Variants in MVB12B observed in about 807,000 individuals in gnomAD.
MVB12B encodes multivesicular body subunit 12B, also known as ESCRT-I complex subunit MVB12B.
MVB12B carries 16 observed loss-of-function variants against 41.6 expected under a neutral mutation model. The observed-to-expected ratio is 0.38, with a 90% CI of 0.26 to 0.58. MVB12B has a LOEUF of 0.58. MVB12B is among the 20% of genes least tolerant of loss of function. The probability of loss-of-function intolerance (pLI) is 0.62; values close to 1 mark genes in which losing one functional copy is unlikely to be tolerated. For missense variants in MVB12B, 274 were observed against 380.2 expected (o/e 0.72, Z 2.32); for synonymous variants, 133 against 139.7 (o/e 0.95, Z 0.34).
At chr9:126,419,878 G>A (rs1369624178) in intron 6 of MVB12B, among the ~76,000 whole-genome samples, 5 of 152,192 alleles carry the variant, frequency 3.3e-5, no homozygotes, top group Admixed American at 2.0e-4. Context: ...AAGTTCCCAG[G>A]TGACTGACGC....
intron 2 of MVB12B, among the ~76,000 whole-genome samples, chr9:126,347,016 C>T (rs767026533): frequency 3.3e-5 from 5 of 152,144 alleles, no homozygotes; most frequent in African/African-American, 9.7e-5. Flanking sequence ...CAGGGCATAG[C>T]GGGAGCTAGA....
rs1830625131 is a variant in MVB12B, at chr9:126,381,170, A to G, written c.311A>G (p.Asn104Ser). ...LCFTRSFSKENSHLGNVLVDM... is the reference protein window; with the variant it reads ...LCFTRSFSKESSHLGNVLVDM... ...TTCACAAGATCATTTTCCAAAGAAA[A>G]TGTAAGTCTAGTCGTAGTTTCCATT... Residue 104 changes from asparagine to serine, a missense_variant and splice_region_variant, in exon 3 of 10, where the codon AAT (asparagine) becomes AGT (serine). Asn to Ser is a conservative substitution (Grantham distance 46, BLOSUM62 1). Transcript: ENST00000361171. 1 of 1,605,226 alleles carries G rather than the reference A, an allele frequency of 6.2e-7. No individual in the cohort carries two copies. The highest frequency in any genetic ancestry group is 8.5e-7 in the Non-Finnish European group (1 of 1,172,208).
chr9:126,486,703 C>G lies in MVB12B; in HGVS notation c.873+2671C>G, dbSNP rs964379898. ...CATACGTGATCACTGGTTCCTACCC[C>G]AGGCCTCATTCCTCCCTGTGTCGTG... is the stretch of plus-strand genomic sequence containing the variant. On this transcript the variant is annotated intron_variant, in intron 9 of 9. Coordinates refer to ENST00000361171, the MANE Select transcript of MVB12B (RefSeq NM_033446.3). This position sits in a 1 kb window ranked among gnomAD's most constrained non-coding sequence, Gnocchi z 4.7. Among the ~76,000 whole-genome samples, 1 of 152,226 alleles carries G rather than the reference C, an allele frequency of 6.6e-6. No individual in the cohort carries two copies. The highest frequency in any genetic ancestry group is 1.9e-4 in the East Asian group (1 of 5,194).
chr9:126,415,494 G>T (rs1432254520), intron 6 of MVB12B, among the ~76,000 whole-genome samples: 1 of 152,074 alleles, frequency 6.6e-6, no homozygotes, highest in Admixed American at 6.5e-5. Flanking sequence ...CTAGTTTTTG[G>T]CTTTATAAGT....
At chr9:126,347,839 C>T (rs915287844) in intron 2 of MVB12B, among the ~76,000 whole-genome samples, 1 of 152,242 alleles carries the variant, frequency 6.6e-6, no homozygotes, top group African/African-American at 2.4e-5. Flanking sequence ...CGTCTGAGCA[C>T]AGCTGTCACA....
chr9:126,466,077 C>T (rs1311726830), intron 7 of MVB12B, among the ~76,000 whole-genome samples: 1 of 152,228 alleles, frequency 6.6e-6, no homozygotes, highest in African/African-American at 2.4e-5. Context: ...TAACAAACCA[C>T]CCTAAAACTT....
At chr9:126,501,862 G>A (rs1023069662) in intron 9 of MVB12B, among the ~76,000 whole-genome samples, 11 of 152,106 alleles carry the variant, frequency 7.2e-5, no homozygotes, top group East Asian at 1.9e-4. Flanking sequence ...CTGGAAAGCC[G>A]CCTGCTGGTG....
intron 5 of MVB12B, among the ~76,000 whole-genome samples, chr9:126,393,860 T>A (rs1831028416): frequency 6.6e-6 from 1 of 152,264 alleles, no homozygotes; most frequent in South Asian, 2.1e-4. Flanking sequence ...GCCAGCCTCC[T>A]GGCTCAGGCC....
chr9:126,489,336 C>G (rs1228018228), intron 9 of MVB12B, among the ~76,000 whole-genome samples: 1 of 152,218 alleles, frequency 6.6e-6, no homozygotes, highest in Non-Finnish European at 1.5e-5. Context: ...CCTGCTCATC[C>G]CAGCCCAGCG....
chr9:126,344,812 T>A (rs1307665497), intron 2 of MVB12B, among the ~76,000 whole-genome samples: 1 of 152,190 alleles, frequency 6.6e-6, no homozygotes, highest in Non-Finnish European at 1.5e-5. Context: ...CATCATCCCA[T>A]GGCGGAAGTC....
At chr9:126,435,711 G>A (rs1282100645) in intron 7 of MVB12B, among the ~76,000 whole-genome samples, 6 of 146,192 alleles carry the variant, frequency 4.1e-5, no homozygotes, top group Non-Finnish European at 6.0e-5. Flanking sequence ...ACCACCCACC[G>A]AGCACATCAT....
At chr9:126,475,941 G>A (rs548770884) in intron 7 of MVB12B, among the ~76,000 whole-genome samples, 9 of 148,694 alleles carry the variant, frequency 6.1e-5, no homozygotes, top group African/African-American at 2.2e-4. Flanking sequence ...ACTCTCAGAC[G>A]GTGGTGGTCT....
chr9:126,394,970 T>C lies in MVB12B; in HGVS notation c.540-605T>C, dbSNP rs568421151. 2.1e-4 allele frequency among the ~76,000 whole-genome samples: 32 copies of C among 152,186 alleles called. 1 individual carries two copies. The highest frequency in any genetic ancestry group is 7.2e-4 in the African/African-American group (30 of 41,510). ...TAGTAGGGGGCGGGGCTGTGGTGACTGCGAGGGAGGTCACAGGAGAGCTTA... is the reference window on the plus strand; with the variant it reads ...TAGTAGGGGGCGGGGCTGTGGTGACCGCGAGGGAGGTCACAGGAGAGCTTA... On this transcript the variant is annotated intron_variant, in intron 5 of 9. Coordinates refer to ENST00000361171, the MANE Select transcript of MVB12B (RefSeq NM_033446.3).
rs1336959532 is a variant in MVB12B at position 126,389,473 on chromosome 9, T to C, written c.410-2593T>C. On this transcript the variant is annotated intron_variant, in intron 4 of 9. Coordinates refer to ENST00000361171, the MANE Select transcript of MVB12B (RefSeq NM_033446.3). This position sits in a 1 kb window ranked among gnomAD's most constrained non-coding sequence, Gnocchi z 4.4. ...TGTACTTTCTCTGTGTTCATTAGCA[T>C]GACTGAACACATTTCTATTGACTAT... is the stretch of plus-strand genomic sequence containing the variant. Among the ~76,000 whole-genome samples, 3 of 152,210 alleles carry C rather than the reference T, an allele frequency of 2.0e-5. No homozygotes were observed. The highest frequency in any genetic ancestry group is 7.2e-5 in the African/African-American group (3 of 41,446).
At chr9:126,327,147 C>G (rs1395402363) in intron 1 of MVB12B, 137 bp downstream of exon 1, 1 of 622,392 alleles carries the variant, frequency 1.6e-6, no homozygotes, top group African/African-American at 2.0e-5. Flanking sequence ...CTGCGGGCTC[C>G]GTGCCCGGCC....
intron 4 of MVB12B, among the ~76,000 whole-genome samples, chr9:126,387,245 G>A (rs1392530835): frequency 6.6e-6 from 1 of 152,150 alleles, no homozygotes; most frequent in Non-Finnish European, 1.5e-5. Context: ...CCACACATGG[G>A]TTATTAAATG....
intron 9 of MVB12B, among the ~76,000 whole-genome samples, chr9:126,488,278 G>A (rs1833661925): frequency 8.9e-6 from 1 of 112,450 alleles, no homozygotes; most frequent in African/African-American, 3.3e-5. Context: ...GGGCTTGGGG[G>A]TGGAGAAGTC....
At chr9:126,365,087 T>C (rs1397272133) in intron 2 of MVB12B, among the ~76,000 whole-genome samples, 1 of 150,900 alleles carries the variant, frequency 6.6e-6, no homozygotes, top group Non-Finnish European at 1.5e-5. Context: ...GGAGTCTTGC[T>C]CTGTCACCCA....
rs2119187008 is a variant in MVB12B at position 126,468,645 on chromosome 9, C to CT, written c.758-12723dup. Among the ~76,000 whole-genome samples, 1 of 152,360 alleles carries CT rather than the reference C, an allele frequency of 6.6e-6. No homozygotes were observed. Among genetic ancestry groups the CT allele is most frequent in the African/African-American group, 2.4e-5 (1 of 41,578 alleles). ...CATCCGGGCCACCAGCGTCCCTCGC[C>CT]TGGTTCAGTGTCAGAACTTCCTCCC... On this transcript the variant is annotated intron_variant, in intron 7 of 9. Transcript: ENST00000361171. The surrounding 1 kb of genome is among the most constrained non-coding windows in gnomAD (Gnocchi z 4.3).
Sources: allele counts gnomAD v4.1 joint callset (sites outside exome capture counted in the v4.1 genomes callset), GRCh38; gene constraint gnomAD v4.1.1; non-coding constraint Gnocchi (gnomAD v3.1); transcripts MANE v1.5; gene names NCBI Gene and HGNC (gene_info 2026-07-23, HGNC 2026-07-21).